The following SPAST variants were observed in gnomAD, a reference collection of about 807,000 sequenced individuals.
SPAST encodes the protein spastin.
Under a neutral mutation model 76.6 loss-of-function variants are expected in SPAST, and 30 were observed. That is an observed-to-expected ratio of 0.39 (90% CI 0.29 to 0.53). The LOEUF is 0.53. Ranked by LOEUF, SPAST falls within the 20% of genes least tolerant of loss-of-function variation. SPAST has a pLI of 0.68. For synonymous variants in SPAST, 305 were observed against 281.0 expected (o/e 1.09, Z -0.86); for missense variants, 717 against 770.5 (o/e 0.93, Z 0.82).
chr2:32,123,645 A>G (rs1252155294), intron 7 of SPAST, among the ~76,000 whole-genome samples: 1 of 152,256 alleles, frequency 6.6e-6, no homozygotes, highest in African/African-American at 2.4e-5. Flanking sequence ...ACATTAATCA[A>G]GACAGCATGT....
Position 32,147,208 on chromosome 2 carries a change from T to C in SPAST, c.1688-10T>C, listed in dbSNP as rs2148762754. The C allele has an allele frequency of 6.2e-7, 1 of 1,604,366 alleles. No individual in the cohort carries two copies. The highest frequency in any genetic ancestry group is 8.5e-7 in the Non-Finnish European group (1 of 1,171,276). On this transcript the variant is annotated splice_polypyrimidine_tract_variant and intron_variant, in intron 15 of 16. Coordinates refer to ENST00000315285, the MANE Select transcript of SPAST (RefSeq NM_014946.4). ...TGTATTTTTAAGTGCCTGACTTTTA[T>C]GTTTTACAGAACTAAAACCAGAACA...
intron 2 of SPAST, among the ~76,000 whole-genome samples, chr2:32,087,845 A>C (rs1311188945): frequency 1.4e-5 from 2 of 144,388 alleles, no homozygotes; most frequent in Admixed American, 1.4e-4. Context: ...ACAGGCGCAC[A>C]CTACCATACT....
chr2:32,093,737 G>A (rs216544), intron 3 of SPAST, among the ~76,000 whole-genome samples: 81,243 of 151,908 alleles, frequency 0.53, 21,916 homozygotes, highest in East Asian at 0.64. Flanking sequence ...CCAAGTTAAT[G>A]AAGTTGTTTA....
intron 9 of SPAST, chr2:32,130,343 ATACT>A (rs34802204): frequency 0.37 from 55,512 of 151,812 alleles, 10,473 homozygotes; most frequent in East Asian, 0.64. Context: ...TTTGGCAAAC[ATACT>A]TAAACTGAAA....
Position 32,154,731 on chromosome 2 carries a change from G to A in SPAST, c.*235G>A, listed in dbSNP as rs1680199190. On this transcript the variant is annotated 3_prime_UTR_variant, in exon 17 of 17. Coordinates refer to ENST00000315285, the MANE Select transcript of SPAST (RefSeq NM_014946.4). ...CTTGATGGTCACAGTTATCCCAATG[G>A]ACACTAAGTTAGAGCACAACAAAAC... 5.9e-6 allele frequency: 3 copies of A among 511,126 alleles called. No homozygotes were observed. In the Admixed American group the frequency reaches 1.0e-4, roughly 17 times the overall value. The allele number at this position is 511,126 out of a possible 1,614,324, so 31.7% of individuals were successfully genotyped here. A position where few individuals can be genotyped will look rare whatever the true frequency, so the allele number is the denominator to read the frequency against.
chr2:32,069,567 T>TA (rs397974434), intron 1 of SPAST, among the ~76,000 whole-genome samples: 3 of 151,154 alleles, frequency 2.0e-5, no homozygotes, highest in Admixed American at 6.6e-5. Context: ...TTTTTTTTTT[T>TA]CTTTTTTGAG....
At chr2:32,113,954 T>G (rs902881074) in intron 4 of SPAST, among the ~76,000 whole-genome samples, 2 of 151,882 alleles carry the variant, frequency 1.3e-5, no homozygotes, top group African/African-American at 2.4e-5. Flanking sequence ...TTTGTTTTTT[T>G]TTTTATTTGA....
Position 32,063,996 on chromosome 2 carries a change from C to T in SPAST, c.165C>T (p.Tyr55=), listed in dbSNP as rs368951498. ...PHKRNLYYFS[Y]PLFVGFALLR... ...AGCGGAACCTGTACTATTTCTCCTA[C>T]CCGCTGTTTGTAGGCTTCGCGCTGC... is the stretch of plus-strand genomic sequence containing the variant. The change falls in exon 1 of 17, where the codon TAC becomes TAT. Residue 55 remains tyrosine, a synonymous_variant. Transcript: ENST00000315285. The T allele has an allele frequency of 2.7e-5, 44 of 1,613,428 alleles. No homozygotes were observed. In the African/African-American group the frequency reaches 4.1e-4, roughly 15 times the overall value.
rs372550531 is a variant in SPAST, at chr2:32,136,887, T to C, written c.1332T>C (p.Asp444=). The C allele has an allele frequency of 5.6e-6, 9 of 1,610,486 alleles. No individual in the cohort carries two copies. The African/African-American group carries it at 8.0e-5, about 14-fold the overall frequency. Reference sequence around the variant, plus strand: ...TTGTATTTCCTCTAGATGAAGTTGATAGCCTTTTGTGTGAAAGAAGAGAAG... The same window carrying C: ...TTGTATTTCCTCTAGATGAAGTTGACAGCCTTTTGTGTGAAAGAAGAGAAG... The part of the protein sequence containing the change: ...QPSIIFIDEV[D]SLLCERREGE... Residue 444 remains aspartate, a synonymous_variant, in exon 11 of 17, where the codon GAT becomes GAC. Transcript: ENST00000315285.
chr2:32,093,548 AT>A (rs1159017824), intron 3 of SPAST, among the ~76,000 whole-genome samples: 2 of 151,914 alleles, frequency 1.3e-5, no homozygotes, highest in East Asian at 1.9e-4. Context: ...TGTTTCACTT[AT>A]TTTTTTCCCA....
intron 14 of SPAST, among the ~76,000 whole-genome samples, chr2:32,143,875 A>T (rs1432067781): frequency 1.3e-5 from 2 of 152,176 alleles, no homozygotes; most frequent in Non-Finnish European, 2.9e-5. Flanking sequence ...CTCAAAAAAA[A>T]TTTTAAACAT....
chr2:32,097,915 G>A (rs1411155613), intron 3 of SPAST, among the ~76,000 whole-genome samples: 4 of 151,768 alleles, frequency 2.6e-5, no homozygotes, highest in Admixed American at 1.3e-4. Context: ...AGCCAGGATC[G>A]CCTCAATCTC....
intron 5 of SPAST, among the ~76,000 whole-genome samples, chr2:32,115,092 G>A (rs1678778650): frequency 6.6e-6 from 1 of 151,824 alleles, no homozygotes; most frequent in Non-Finnish European, 1.5e-5. Flanking sequence ...GGGATTACAG[G>A]CATGCACCAC....
intron 4 of SPAST, among the ~76,000 whole-genome samples, chr2:32,106,546 A>G (rs1442726358): frequency 1.3e-5 from 2 of 152,166 alleles, no homozygotes; most frequent in African/African-American, 4.8e-5. Flanking sequence ...TCACACTGGG[A>G]GCTGCAGACT....
chr2:32,091,317 G>C (rs1472116627), intron 3 of SPAST, among the ~76,000 whole-genome samples: 1 of 148,100 alleles, frequency 6.8e-6, no homozygotes, highest in Non-Finnish European at 1.5e-5. Context: ...GTCTTGCTTT[G>C]TTGCCCAGGC....
chr2:32,135,719 A>AAGTT (rs1315677502), intron 9 of SPAST, among the ~76,000 whole-genome samples: 3 of 152,034 alleles, frequency 2.0e-5, no homozygotes, highest in Non-Finnish European at 4.4e-5. Flanking sequence ...TCGGGAGGCC[A>AAGTT]AGTTAGGTGG....
intron 3 of SPAST, among the ~76,000 whole-genome samples, chr2:32,096,528 G>A (rs1450703051): frequency 6.6e-6 from 1 of 152,064 alleles, no homozygotes; most frequent in Non-Finnish European, 1.5e-5. Context: ...AAAAAAAAAT[G>A]AATTGGAGCA....
intron 9 of SPAST, chr2:32,130,488 G>T (rs1679333589): frequency 6.6e-6 from 1 of 152,056 alleles, no homozygotes; most frequent in Non-Finnish European, 1.5e-5. Context: ...GGAAGCCAAG[G>T]CTGGCAGATC....
In SPAST at chr2:32,154,641, AC is replaced by A; in HGVS notation, c.*147del. On this transcript the variant is annotated 3_prime_UTR_variant, in exon 17 of 17. Coordinates refer to ENST00000315285, the MANE Select transcript of SPAST (RefSeq NM_014946.4). ...ATTTGTGCACCAAACTTGAAGATGA[AC>A]CAGAAAACAGACTTAAACAAAATAT... is the stretch of plus-strand genomic sequence containing the variant. 1 of 815,126 alleles carries A rather than the reference AC, an allele frequency of 1.2e-6. No homozygotes were observed. The highest frequency in any genetic ancestry group is 2.0e-6 in the Non-Finnish European group (1 of 504,640). 50.5% of individuals were successfully genotyped at this position (815,126 alleles called of 1,614,324 possible).
Sources: gnomAD v4.1 joint callset for allele counts (sites outside exome capture counted in the v4.1 genomes callset) on GRCh38, gnomAD v4.1.1 for gene constraint, MANE v1.5 for transcripts, NCBI Gene and HGNC (gene_info 2026-07-23, HGNC 2026-07-21) for gene names.